Variants in ORAI2 observed in about 807,000 individuals in gnomAD.
ORAI2 encodes protein orai-2.
ORAI2 carries 10 observed loss-of-function variants against 16.2 expected under a neutral mutation model. The ratio of observed to expected loss-of-function variants is 0.62; its 90% CI spans 0.38 to 1.04. The LOEUF is 1.04. ORAI2 is among the 50% of genes least tolerant of loss of function. ORAI2 has a pLI of 0.01. For missense variants in ORAI2, 238 were observed against 355.5 expected, an observed-to-expected ratio of 0.67 and a Z score of 2.66; for synonymous variants, 150 against 157.5, an observed-to-expected ratio of 0.95 and a Z score of 0.35.
chr7:102,448,829 C>T lies in ORAI2; in HGVS notation c.*1777C>T. ...CCCAGGAGGCAGAGGTTGCAGTGAG[C>T]TGAGATCACGCCATTGCACTACAGC... On this transcript the variant is annotated 3_prime_UTR_variant, in exon 4 of 4. Transcript: ENST00000495936. 6.6e-6 allele frequency: 1 copy of T among 152,114 alleles called. No homozygotes were observed. The highest frequency in any genetic ancestry group is 1.5e-5 in the Non-Finnish European group (1 of 68,120). 9.4% of individuals were successfully genotyped at this position (152,114 alleles called of 1,614,324 possible).
intron 3 of ORAI2, among the ~76,000 whole-genome samples, chr7:102,440,107 GATAAA>G (rs930311344): frequency 8.5e-5 from 13 of 152,208 alleles, no homozygotes; most frequent in East Asian, 5.8e-4. Context: ...TAATTAAAAA[GATAAA>G]ATCAAATCAA....
chr7:102,444,845 T>G (rs1406752805), intron 3 of ORAI2, among the ~76,000 whole-genome samples: 1 of 151,560 alleles, frequency 6.6e-6, no homozygotes, highest in Non-Finnish European at 1.5e-5. Flanking sequence ...TTTTGTATTT[T>G]TAGTAAAGAC....
At position 102,443,800 on chromosome 7, in the gene ORAI2, G is replaced by A. The variant is rs371218518; in HGVS notation, c.226-2713G>A. On this transcript the variant is annotated intron_variant, in intron 3 of 3. Coordinates refer to ENST00000495936, the MANE Select transcript of ORAI2 (RefSeq NM_001126340.3). ...TGGCTCACTGCAACCTTTGCGTCCC[G>A]GGTTCAAGAGATTCTCCTGCCTCAG... is the stretch of plus-strand genomic sequence containing the variant. Among the ~76,000 whole-genome samples, 33 of 152,022 alleles carry A rather than the reference G, an allele frequency of 2.2e-4. No individual in the cohort carries two copies. The South Asian group carries it at 4.6e-3, about 21-fold the overall frequency.
chr7:102,442,366 G>T (rs778036630), intron 3 of ORAI2, among the ~76,000 whole-genome samples: 1 of 151,998 alleles, frequency 6.6e-6, no homozygotes, highest in South Asian at 2.1e-4. Flanking sequence ...CAGCCTGGCC[G>T]ATCTGGTGAA....
chr7:102,438,664 T>C (rs1797120164), intron 2 of ORAI2, among the ~76,000 whole-genome samples: 1 of 152,004 alleles, frequency 6.6e-6, no homozygotes, highest in African/African-American at 2.4e-5. Flanking sequence ...TCCCAGCTAC[T>C]CAGGAGACTG....
rs1258633882 is a variant in ORAI2, at chr7:102,455,361, G to A, written c.*8309G>A. On this transcript the variant is annotated 3_prime_UTR_variant, in exon 4 of 4. Coordinates refer to ENST00000495936, the MANE Select transcript of ORAI2 (RefSeq NM_001126340.3). ...TGTCGCCGTGGGTCTTCGTGTCACA[G>A]CTTCAAGGACAGACCCAACTCTGGT... 6.6e-6 allele frequency: 1 copy of A among 152,282 alleles called. No individual in the cohort carries two copies. The highest frequency in any genetic ancestry group is 1.9e-4 in the East Asian group (1 of 5,198). The allele number at this position is 152,282 out of a possible 1,614,324, so 9.4% of individuals were successfully genotyped here.
chr7:102,442,152 A>C (rs1343530127), intron 3 of ORAI2, among the ~76,000 whole-genome samples: 2 of 152,100 alleles, frequency 1.3e-5, no homozygotes, highest in Non-Finnish European at 2.9e-5. Context: ...GGGGTGGCTC[A>C]CGCCTGTAAT....
chr7:102,445,004 TC>T (rs1797305178), intron 3 of ORAI2, among the ~76,000 whole-genome samples: 1 of 88,226 alleles, frequency 1.1e-5, no homozygotes, highest in Non-Finnish European at 2.1e-5. Flanking sequence ...AGCCTGCCGT[TC>T]CTTGGTTTGT....
At chr7:102,441,325 T>C (rs899257815) in intron 3 of ORAI2, among the ~76,000 whole-genome samples, 1 of 148,984 alleles carries the variant, frequency 6.7e-6, no homozygotes, top group Non-Finnish European at 1.5e-5. Context: ...GCAGATCACC[T>C]GGTCAGGAGT....
chr7:102,444,661 T>G (rs750574279), intron 3 of ORAI2, among the ~76,000 whole-genome samples: 85 of 92,838 alleles, frequency 9.2e-4, no homozygotes, highest in East Asian at 3.0e-3. Context: ...TCCCCAGGCT[T>G]CTTCTTTTTT....
rs1308839909 is a variant in ORAI2, at chr7:102,435,376, T to A, written c.-122-849T>A. Among the ~76,000 whole-genome samples the A allele has an allele frequency of 2.0e-5, 3 of 152,144 alleles. No homozygotes were observed. The East Asian group carries it at 5.8e-4, about 29-fold the overall frequency. ...ACCTTGGCCTCACAAAACACTGGGATTACAGGCATGAGGCACTTTGGCATG... is the reference window on the plus strand; with the variant it reads ...ACCTTGGCCTCACAAAACACTGGGAATACAGGCATGAGGCACTTTGGCATG... On this transcript the variant is annotated intron_variant, in intron 1 of 3. Transcript: ENST00000495936.
rs1797409051 is a variant in ORAI2 at position 102,447,770 on chromosome 7, G to A, written c.*718G>A. The A allele has an allele frequency of 6.6e-6, 1 of 152,390 alleles. No individual in the cohort carries two copies. The allele number at this position is 152,390 out of a possible 1,614,324, so 9.4% of individuals were successfully genotyped here. A position where few individuals can be genotyped will look rare whatever the true frequency, so the allele number is the denominator to read the frequency against. On this transcript the variant is annotated 3_prime_UTR_variant, in exon 4 of 4. Coordinates refer to ENST00000495936, the MANE Select transcript of ORAI2 (RefSeq NM_001126340.3). ...GGGCATCTATCAGATGCCCCCTTGA[G>A]GAGGCTGAGTTATTTGAGGGCTGCT...
At position 102,446,704 on chromosome 7, in the gene ORAI2, T is replaced by G. The variant is rs1488155106; in HGVS notation, c.417T>G (p.His139Gln). Residue 139 changes from histidine to glutamine, a missense_variant, in exon 4 of 4, where the codon CAT becomes CAG. This residue lies in a region of ORAI2 where 176 missense variants were observed against 265.9 expected (regional missense o/e 0.66). Coordinates refer to ENST00000495936, the MANE Select transcript of ORAI2 (RefSeq NM_001126340.3). ...HNLNSISESPHERMHPYIELA... is the reference protein window; with the variant it reads ...HNLNSISESPQERMHPYIELA... ...TGAACTCCATCAGCGAGTCCCCGCATGAGCGCATGCACCCCTACATCGAGC... is the reference window on the plus strand; with the variant it reads ...TGAACTCCATCAGCGAGTCCCCGCAGGAGCGCATGCACCCCTACATCGAGC... 2 of 1,614,226 alleles carry G rather than the reference T, an allele frequency of 1.2e-6. No homozygotes were observed. Among genetic ancestry groups the G allele is most frequent in the Non-Finnish European group, 1.7e-6 (2 of 1,180,040 alleles).
In ORAI2 at chr7:102,447,200, TCTC is replaced by T. The variant is rs1342877904; in HGVS notation, c.*151_*153del. On this transcript the variant is annotated 3_prime_UTR_variant, in exon 4 of 4. Transcript: ENST00000495936. ...TTAATACCATAAGGACTGGATGACTTCTCCTGAGATAGAACCGTTTGGTTCAAT... is the reference window on the plus strand; with the variant it reads ...TTAATACCATAAGGACTGGATGACTTCTGAGATAGAACCGTTTGGTTCAAT... 37 of 870,652 alleles carry T rather than the reference TCTC, an allele frequency of 4.2e-5. No homozygotes were observed. The highest frequency in any genetic ancestry group is 5.8e-5 in the Non-Finnish European group (34 of 585,320). The allele number at this position is 870,652 out of a possible 1,614,324, so 53.9% of individuals were successfully genotyped here.
In ORAI2 at chr7:102,448,419, T is replaced by TC. The variant is rs1315524344; in HGVS notation, c.*1368dup. The TC allele has an allele frequency of 6.6e-6, 1 of 152,142 alleles. No individual in the cohort carries two copies. The highest frequency in any genetic ancestry group is 1.5e-5 in the Non-Finnish European group (1 of 68,056). 9.4% of individuals were successfully genotyped at this position (152,142 alleles called of 1,614,324 possible). ...CCTTGTCTTTTGTTCTCATAAATAGTCACTGGGGCCGGGCGCAGTGACTCA... is the reference window on the plus strand; with the variant it reads ...CCTTGTCTTTTGTTCTCATAAATAGTCCACTGGGGCCGGGCGCAGTGACTCA... On this transcript the variant is annotated 3_prime_UTR_variant, in exon 4 of 4. Transcript: ENST00000495936.
At chr7:102,446,470 T>G in intron 3 of ORAI2, 43 bp from the exon 4 acceptor site, 1 of 1,562,532 alleles carries the variant, frequency 6.4e-7, no homozygotes, top group Admixed American at 1.7e-5. Context: ...GGCCATACCT[T>G]GCCCTCTCCA....
chr7:102,453,831 T>G lies in ORAI2; in HGVS notation c.*6779T>G, dbSNP rs1229251667. The G allele has an allele frequency of 6.6e-6, 1 of 152,248 alleles. No individual in the cohort carries two copies. The highest frequency in any genetic ancestry group is 2.4e-5 in the African/African-American group (1 of 41,438). 9.4% of individuals were successfully genotyped at this position (152,248 alleles called of 1,614,324 possible). A position where few individuals can be genotyped will look rare whatever the true frequency, so the allele number is the denominator to read the frequency against. ...GTAACCTCCGCCTCCCGGGCTCAAG[T>G]GATTCTCCTGCCTCAGCCTCCTGAG... On this transcript the variant is annotated 3_prime_UTR_variant, in exon 4 of 4. Coordinates refer to ENST00000495936, the MANE Select transcript of ORAI2 (RefSeq NM_001126340.3).
chr7:102,447,086 G>T lies in ORAI2; in HGVS notation c.*34G>T, dbSNP rs747593028. On this transcript the variant is annotated 3_prime_UTR_variant, in exon 4 of 4. Coordinates refer to ENST00000495936, the MANE Select transcript of ORAI2 (RefSeq NM_001126340.3). The stretch of plus-strand genomic sequence containing the variant: ...GGGCCGGGGCTGGGAGCGGCCCTGT[G>T]CCCGGGAGTCCGCAGAGGCGGGGAT... 11 of 1,486,240 alleles carry T rather than the reference G, an allele frequency of 7.4e-6. No homozygotes were observed. The highest frequency in any genetic ancestry group is 2.0e-4 in the Middle Eastern group (1 of 5,066). The allele number at this position is 1,486,240 out of a possible 1,614,324, so 92.1% of individuals were successfully genotyped here.
intron 3 of ORAI2, 82 bp from the exon 4 acceptor site, chr7:102,446,431 C>T: frequency 1.4e-6 from 2 of 1,432,782 alleles, no homozygotes; most frequent in Non-Finnish European, 1.9e-6. Flanking sequence ...GGCCCAGCCC[C>T]TGCTCTGCCT....
Sources: gnomAD v4.1 joint callset for allele counts (sites outside exome capture counted in the v4.1 genomes callset) on GRCh38, gnomAD v4.1.1 for gene constraint, gnomAD v4.1.1 regional missense constraint, MANE v1.5 for transcripts, NCBI Gene and HGNC (gene_info 2026-07-23, HGNC 2026-07-21) for gene names.